Variants in DMD observed in about 807,000 individuals in gnomAD.
DMD encodes mutant dystrophin.
A neutral mutation model predicts 330.1 loss-of-function variants in DMD; 63 were observed. The ratio of observed to expected loss-of-function variants is 0.19; its 90% confidence interval spans 0.16 to 0.24. DMD has a LOEUF of 0.24. DMD is among the 10% of genes least tolerant of loss of function. DMD has a pLI of 1.00. For synonymous variants in DMD, 1,223 were observed against 959.8 expected (o/e 1.27, Z -5.07); for missense variants, 3,344 against 2,684.1 (o/e 1.25, Z -5.43).
intron 53 of DMD, among the ~76,000 whole-genome samples, chrX:31,668,839 C>T (rs1404612914): frequency 1.8e-5 from 2 of 111,919 alleles, no homozygotes; most frequent in Non-Finnish European, 3.8e-5. Context: ...TTAGATTCCA[C>T]ACATAAGTGA....
intron 6 of DMD, among the ~76,000 whole-genome samples, chrX:32,814,970 T>C (rs1031788766): frequency 1.8e-5 from 2 of 111,670 alleles, no homozygotes; most frequent in African/African-American, 6.5e-5. Flanking sequence ...TAAATGAGCA[T>C]TGACTTAAAA....
intron 30 of DMD, among the ~76,000 whole-genome samples, chrX:32,398,567 G>C (rs368346355): frequency 9.0e-6 from 1 of 110,882 alleles, no homozygotes; most frequent in Non-Finnish European, 1.9e-5. Context: ...GCGTAATCTT[G>C]ACCACAGAAC....
rs145783922 is a variant in DMD, at chrX:33,241,137, A to G, written c.7+98122T>C. On this transcript the variant is annotated intron_variant, in intron 1 of 17. Transcript: ENST00000288447. ...TCATATCCAGAAAATTTTTGCCCAG[A>G]TCATAGTCATGGAGACTTCCCTTAT... 2.7e-3 allele frequency among the ~76,000 whole-genome samples: 300 copies of G among 111,655 alleles called. 2 individuals carry two copies. The highest frequency in any genetic ancestry group is 9.4e-3 in the African/African-American group (288 of 30,737).
intron 1 of DMD, among the ~76,000 whole-genome samples, chrX:33,201,481 C>T (rs186028504): frequency 9.0e-6 from 1 of 110,934 alleles, no homozygotes; most frequent in Admixed American, 9.7e-5. Flanking sequence ...TTGACGTTAT[C>T]GTACAGAGTG....
intron 44 of DMD, among the ~76,000 whole-genome samples, chrX:32,076,779 C>G (rs922225722): frequency 2.7e-5 from 3 of 111,522 alleles, no homozygotes; most frequent in Admixed American, 1.9e-4. Flanking sequence ...GCCTCACTCT[C>G]AGATTCATAA....
intron 15 of DMD, among the ~76,000 whole-genome samples, chrX:32,569,755 G>C (rs950483386): frequency 9.0e-6 from 1 of 110,957 alleles, no homozygotes; most frequent in Non-Finnish European, 1.9e-5. Flanking sequence ...CAATTCCTAA[G>C]TACTTCTGTA....
chrX:32,501,877 C>G (rs754000203), intron 18 of DMD, 35 bp from the exon 19 acceptor site: 9 of 1,025,838 alleles, frequency 8.8e-6, no homozygotes, highest in Middle Eastern at 2.5e-4. Context: ...TAATTCAATA[C>G]AAGGACTGTG....
At chrX:32,882,005 T>C (rs1250425158) in intron 2 of DMD, among the ~76,000 whole-genome samples, 1 of 112,364 alleles carries the variant, frequency 8.9e-6, no homozygotes, top group Non-Finnish European at 1.9e-5. Flanking sequence ...GACGTGCTTC[T>C]TCATGCCTGC....
At chrX:31,319,148 A>G (rs2056249566) in intron 62 of DMD, among the ~76,000 whole-genome samples, 1 of 111,973 alleles carries the variant, frequency 8.9e-6, no homozygotes, top group Admixed American at 9.5e-5. Context: ...TTCATAACCA[A>G]TATTTGGGCC....
At chrX:31,133,304 T>C (rs370793545) in intron 77 of DMD, among the ~76,000 whole-genome samples, 1 of 111,631 alleles carries the variant, frequency 9.0e-6, no homozygotes. Context: ...ACCATCCTTT[T>C]TATTCGTTGA....
intron 67 of DMD, among the ~76,000 whole-genome samples, chrX:31,192,147 C>A (rs1455437900): frequency 1.8e-5 from 2 of 111,821 alleles, no homozygotes; most frequent in African/African-American, 6.5e-5. Context: ...TCTGCACCAG[C>A]AGAGAACATA....
intron 44 of DMD, among the ~76,000 whole-genome samples, chrX:32,062,920 A>G (rs756972787): frequency 9.0e-6 from 1 of 110,877 alleles, no homozygotes; most frequent in African/African-American, 3.3e-5. Flanking sequence ...TTGAAAGGAA[A>G]AAAAAACACA....
rs151008756 is a variant in DMD at position 31,754,208 on chromosome X, G to A, written c.7542+19752C>T. 7.6e-3 allele frequency among the ~76,000 whole-genome samples: 844 copies of A among 111,383 alleles called. 7 individuals carry two copies. The highest frequency in any genetic ancestry group is 0.026 in the African/African-American group (788 of 30,726). On this transcript the variant is annotated intron_variant, in intron 51 of 78. Transcript: ENST00000357033. ...GAAAGATTTCTGACAAGTAGTGTAC[G>A]ATTACAAATATCATCTACCTTGGAG...
At chrX:31,688,639 T>C (rs1404043138) in intron 52 of DMD, among the ~76,000 whole-genome samples, 2 of 111,590 alleles carry the variant, frequency 1.8e-5, no homozygotes, top group Non-Finnish European at 3.8e-5. Context: ...ATCATCCTGA[T>C]ACCAAAGCCT....
chrX:33,060,571 G>T (rs942043274), intron 1 of DMD, among the ~76,000 whole-genome samples: 3 of 111,232 alleles, frequency 2.7e-5, no homozygotes. Context: ...GGTGGCTCAC[G>T]CCTGTAATCG....
chrX:33,053,627 GA>G (rs538177523), intron 1 of DMD, among the ~76,000 whole-genome samples: 10 of 107,940 alleles, frequency 9.3e-5, no homozygotes, highest in Admixed American at 5.0e-4. Context: ...AAAACAAAAA[GA>G]AAAAAAAATA....
chrX:33,140,668 A>G (rs772596954), intron 1 of DMD, among the ~76,000 whole-genome samples: 2 of 112,166 alleles, frequency 1.8e-5, no homozygotes, highest in South Asian at 7.3e-4. Flanking sequence ...AGAAACATAC[A>G]TTTATGCAAT....
chrX:32,644,001 C>A (rs72470504), intron 11 of DMD, 131 bp downstream of exon 11: 2 of 553,593 alleles, frequency 3.6e-6, no homozygotes, highest in East Asian at 7.0e-5. Flanking sequence ...TCCAACCAGT[C>A]TCCCTTGAAA....
At chrX:32,697,718 T>C (rs1467385807) in intron 9 of DMD, 152 bp downstream of exon 9, 2 of 694,286 alleles carry the variant, frequency 2.9e-6, no homozygotes, top group African/African-American at 4.4e-5. Context: ...CAAAGCAGAA[T>C]CACATGAGGG....
Sources: allele counts gnomAD v4.1 joint callset (sites outside exome capture counted in the v4.1 genomes callset), GRCh38; gene constraint gnomAD v4.1.1; transcripts MANE v1.5; gene names NCBI Gene and HGNC (gene_info 2026-07-23, HGNC 2026-07-21).